Variants in NTRK3 observed in about 807,000 individuals in gnomAD.
NTRK3 encodes the protein NT-3 growth factor receptor.
In NTRK3, 24 loss-of-function variants were observed where a neutral mutation model predicts 91.7. The ratio of observed to expected loss-of-function variants is 0.26; its 90% confidence interval spans 0.19 to 0.37. The LOEUF is 0.37. NTRK3 is among the 10% of genes least tolerant of loss of function. The pLI, the probability that NTRK3 is intolerant of heterozygous loss-of-function variation, is 1.00. For synonymous variants in NTRK3, 483 were observed against 404.0 expected (o/e 1.20, Z -2.34); for missense variants, 880 against 1,068.9 (o/e 0.82, Z 2.46).
intron 6 of NTRK3, among the ~76,000 whole-genome samples, chr15:88,140,955 A>G (rs963530550): frequency 1.3e-5 from 2 of 152,216 alleles, no homozygotes; most frequent in Admixed American, 6.5e-5. Flanking sequence ...AAAGAAGAGG[A>G]AAAAGCAAAA....
rs545885210 is a variant in NTRK3, at chr15:88,111,300, T to C, written c.1396+14971A>G. ...AGGTTTCTACCAGGAGGTGTTATGT[T>C]GTTTCCCGAAGTACTAATACTTGCA... On this transcript the variant is annotated intron_variant, in intron 13 of 18. Coordinates refer to ENST00000394480, the Ensembl canonical transcript of NTRK3. Among the ~76,000 whole-genome samples the C allele has an allele frequency of 5.3e-5, 8 of 152,238 alleles. No homozygotes were observed. In the South Asian group the frequency reaches 1.7e-3, roughly 32 times the overall value.
chr15:88,026,037 C>T (rs550966951), intron 14 of NTRK3, among the ~76,000 whole-genome samples: 34 of 152,206 alleles, frequency 2.2e-4, no homozygotes, highest in Non-Finnish European at 3.8e-4. Context: ...TTTGGAAGGC[C>T]GGGACGGGTA....
exon 17 of NTRK3, chr15:87,929,365 G>A (rs780070887): frequency 2.5e-6 from 4 of 1,614,036 alleles, no homozygotes; most frequent in Admixed American, 1.7e-5. Context: ...GCATTTGGGA[G>A]AGCCCCAGCT....
rs186440160 is a variant in NTRK3, at chr15:88,032,248, G to T, written c.1585+609C>A. Among the ~76,000 whole-genome samples, 33 of 152,168 alleles carry T rather than the reference G, an allele frequency of 2.2e-4. No individual in the cohort carries two copies. The East Asian group carries it at 5.1e-3, about 23-fold the overall frequency. ...GGCTCAGCAGAAGGACAAGGAGAGGGGTTGGAACCAACAGGAGAGGGGAGA... is the reference window on the plus strand; with the variant it reads ...GGCTCAGCAGAAGGACAAGGAGAGGTGTTGGAACCAACAGGAGAGGGGAGA... On this transcript the variant is annotated intron_variant, in intron 14 of 18. Coordinates refer to ENST00000394480, the Ensembl canonical transcript of NTRK3.
At chr15:87,985,143 G>C (rs1290630988) in intron 14 of NTRK3, among the ~76,000 whole-genome samples, 1 of 152,188 alleles carries the variant, frequency 6.6e-6, no homozygotes, top group Non-Finnish European at 1.5e-5. Context: ...TCAGAAGGGG[G>C]AGACAGCTCA....
chr15:87,921,026 C>A (rs1055581628), intron 17 of NTRK3, among the ~76,000 whole-genome samples: 3 of 152,096 alleles, frequency 2.0e-5, no homozygotes, highest in Non-Finnish European at 4.4e-5. Context: ...TGGTTCCATA[C>A]GATGCCAACA....
Position 88,222,622 on chromosome 15 carries a change from A to C in NTRK3, c.248+33284T>G, listed in dbSNP as rs546014395. Among the ~76,000 whole-genome samples, 198 of 152,304 alleles carry C rather than the reference A, an allele frequency of 1.3e-3. 1 individual carries two copies. The highest frequency in any genetic ancestry group is 1.2e-3 in the Non-Finnish European group (83 of 68,024). On this transcript the variant is annotated intron_variant, in intron 3 of 18. Transcript: ENST00000394480. ...TAGGTGGGGAAACTGAGGCACATAGAGCTCAAAGACTTGCCCAAGAAGTTT... is the reference window on the plus strand; with the variant it reads ...TAGGTGGGGAAACTGAGGCACATAGCGCTCAAAGACTTGCCCAAGAAGTTT...
At chr15:88,033,176 TTATATATATATATATATATATATATATA>T (rs149279639) in intron 13 of NTRK3, 131 bp from the exon 14 acceptor site, 11 of 196,056 alleles carry the variant, frequency 5.6e-5, no homozygotes, top group African/African-American at 5.5e-4. Context: ...GGGGGGTGTG[TTATATATATATATATATATATATATATA>T]TATATATATA....
chr15:88,025,047 C>CCA (rs147158442), intron 14 of NTRK3, among the ~76,000 whole-genome samples: 3,400 of 150,894 alleles, frequency 0.023, 58 homozygotes, highest in Middle Eastern at 0.058. Context: ...ACGTGTGTGG[C>CCA]CACACACACA....
At chr15:87,975,778 C>T (rs904270373) in intron 14 of NTRK3, among the ~76,000 whole-genome samples, 4 of 152,196 alleles carry the variant, frequency 2.6e-5, no homozygotes, top group East Asian at 1.9e-4. Context: ...GTCTCTTCCC[C>T]GTCAATTCAG....
intron 5 of NTRK3, among the ~76,000 whole-genome samples, chr15:88,159,840 C>A (rs1340846809): frequency 6.6e-6 from 1 of 151,922 alleles, no homozygotes; most frequent in African/African-American, 2.4e-5. Flanking sequence ...CAGCACTGCA[C>A]ATTGACTAAA....
intron 3 of NTRK3, among the ~76,000 whole-genome samples, chr15:88,201,127 C>T (rs1409632327): frequency 1.3e-5 from 2 of 152,190 alleles, no homozygotes; most frequent in African/African-American, 4.8e-5. Context: ...ACATTAGGCA[C>T]CACGGTCAGC....
At chr15:88,127,090 T>C (rs1199345199) in intron 12 of NTRK3, 72 bp downstream of exon 12, 1 of 1,315,902 alleles carries the variant, frequency 7.6e-7, no homozygotes, top group East Asian at 2.3e-5. Context: ...TTTGGAAAAG[T>C]TAGCAACACA....
chr15:87,892,750 G>T (rs1044541527), intron 17 of NTRK3, among the ~76,000 whole-genome samples: 3 of 151,980 alleles, frequency 2.0e-5, no homozygotes, highest in Non-Finnish European at 1.5e-5. Context: ...ACATATTTTT[G>T]TCACAGTAAA....
At chr15:88,024,438 G>T (rs2077855307) in intron 14 of NTRK3, among the ~76,000 whole-genome samples, 1 of 152,166 alleles carries the variant, frequency 6.6e-6, no homozygotes, top group South Asian at 2.1e-4. Flanking sequence ...TACTTAAGAA[G>T]GGATCAGTGG....
At chr15:87,950,776 A>G (rs2071035063) in intron 14 of NTRK3, among the ~76,000 whole-genome samples, 1 of 152,106 alleles carries the variant, frequency 6.6e-6, no homozygotes, top group African/African-American at 2.4e-5. Context: ...GAATATGCCA[A>G]TTTCTTCCTC....
intron 5 of NTRK3, among the ~76,000 whole-genome samples, chr15:88,172,488 C>A (rs1567578271): frequency 6.6e-6 from 1 of 152,120 alleles, no homozygotes; most frequent in Non-Finnish European, 1.5e-5. Flanking sequence ...AGATGCACAG[C>A]CCAGAGGCCA....
chr15:88,074,461 G>C (rs2047362454), intron 13 of NTRK3, among the ~76,000 whole-genome samples: 1 of 152,194 alleles, frequency 6.6e-6, no homozygotes. Flanking sequence ...CATCGTATTG[G>C]AGAGTGCAGC....
At chr15:88,130,022 A>G (rs1181841474) in intron 10 of NTRK3, among the ~76,000 whole-genome samples, 1 of 152,194 alleles carries the variant, frequency 6.6e-6, no homozygotes, top group Admixed American at 6.5e-5. Context: ...CAAAGAGAAC[A>G]CTGCCATCTG....
Sources: gnomAD v4.1 joint callset for allele counts (sites outside exome capture counted in the v4.1 genomes callset) on GRCh38, gnomAD v4.1.1 for gene constraint, MANE v1.5 for transcripts, NCBI Gene and HGNC (gene_info 2026-07-23, HGNC 2026-07-21) for gene names.